The following ANKRD65 variants were observed in gnomAD, a reference collection of about 807,000 sequenced individuals.
ANKRD65 encodes ankyrin repeat domain-containing protein 65.
A neutral mutation model predicts 17.2 loss-of-function variants in ANKRD65; 26 were observed. The ratio of observed to expected loss-of-function variants is 1.51; its 90% confidence interval spans 1.11 to 2.09. The LOEUF (loss-of-function observed/expected upper bound fraction) is 2.09. Ranked by LOEUF, ANKRD65 falls within the 30% of genes most tolerant of loss-of-function variation. The pLI is 0.00. For synonymous variants in ANKRD65, 311 were observed against 272.2 expected, an observed-to-expected ratio of 1.14 and a Z score of -1.40; for missense variants, 621 against 542.2, an observed-to-expected ratio of 1.15 and a Z score of -1.44.
chr1:1,420,901 C>A lies in ANKRD65; in HGVS notation c.105G>T (p.Gly35=). Residue 35 remains glycine (G), a synonymous_variant, in exon 2 of 4, where the codon GGG becomes GGT. Coordinates refer to ENST00000537107, the MANE Select transcript of ANKRD65 (RefSeq NM_001145210.3). ...SEEALGTRTE[G]PSVVQGWGHL... is the part of the protein sequence containing the mutation. ...GCCCCCAGCCCTGGACAACACTAGG[C>A]CCCTCTGTCCTGGTTCCCAGGGCCT... 1 of 1,550,602 alleles carries A rather than the reference C, an allele frequency of 6.4e-7. No homozygotes were observed. The highest frequency in any genetic ancestry group is 8.7e-7 in the Non-Finnish European group (1 of 1,146,954).
chr1:1,419,615 G>A (rs1389041286), intron 3 of ANKRD65, 66 bp from the exon 4 acceptor site: 11 of 1,406,530 alleles, frequency 7.8e-6, no homozygotes, highest in South Asian at 1.4e-5. Context: ...GCCACCAGGC[G>A]TTTGCCCAGC....
At position 1,419,456 on chromosome 1, in the gene ANKRD65, G is replaced by T; in HGVS notation, c.844C>A (p.Leu282Met). 6.5e-7 allele frequency: 1 copy of T among 1,548,832 alleles called. No individual in the cohort carries two copies. ...ALHRAAARGH[L>M]LAVQLLVTQG... is the part of the protein sequence containing the mutation. ...GTGACCAGCAACTGGACGGCAAGCA[G>T]GTGTCCTCGGGCGGCAGCCCTGTGC... Residue 282 changes from leucine to methionine, a missense_variant, in exon 4 of 4, where the codon CTG becomes ATG. Transcript: ENST00000537107.
chr1:1,420,911 C>T lies in ANKRD65; in HGVS notation c.95G>A (p.Arg32Lys), dbSNP rs1409996638. ...ELDSEEALGT[R>K]TEGPSVVQGW... is the part of the protein sequence containing the mutation. ...CTGGACAACACTAGGCCCCTCTGTC[C>T]TGGTTCCCAGGGCCTCTTCGGAGTC... Residue 32 changes from arginine to lysine, a missense_variant, in exon 2 of 4, where the codon AGG (arginine) becomes AAG (lysine). Coordinates refer to ENST00000537107, the MANE Select transcript of ANKRD65 (RefSeq NM_001145210.3). 6.4e-6 allele frequency: 10 copies of T among 1,550,604 alleles called. No individual in the cohort carries two copies. The highest frequency in any genetic ancestry group is 2.4e-5 in the East Asian group (1 of 40,930).
chr1:1,420,442 C>T lies in ANKRD65; in HGVS notation c.360G>A (p.Ser120=). ...ALHEAAWHGH[S]RVAELLLQRG... ...GCTGCAGCAGCAGCTCGGCCACCCGCGAGTGTCCGTGCCAGGCGGCCTCGT... is the reference window on the plus strand; with the variant it reads ...GCTGCAGCAGCAGCTCGGCCACCCGTGAGTGTCCGTGCCAGGCGGCCTCGT... Residue 120 remains serine (S), a synonymous_variant, in exon 3 of 4, where the codon TCG becomes TCA. Transcript: ENST00000537107. 1.1e-5 allele frequency: 15 copies of T among 1,330,198 alleles called. No individual in the cohort carries two copies. The highest frequency in any genetic ancestry group is 1.3e-5 in the Non-Finnish European group (14 of 1,041,472). The allele number at this position is 1,330,198 out of a possible 1,614,324, so 82.4% of individuals were successfully genotyped here.
Position 1,420,566 on chromosome 1 carries a change from T to C in ANKRD65, c.236A>G (p.His79Arg). The C allele has an allele frequency of 7.4e-7, 1 of 1,353,162 alleles. No homozygotes were observed. The highest frequency in any genetic ancestry group is 9.5e-7 in the Non-Finnish European group (1 of 1,057,540). The allele number at this position is 1,353,162 out of a possible 1,614,324, so 83.8% of individuals were successfully genotyped here. A position where few individuals can be genotyped will look rare whatever the true frequency, so the allele number is the denominator to read the frequency against. ...CGCGTGGCCCCGCAGCACGGCCAGGTGGAGCGGGGTCCGGCCTGCGTGGTC... is the reference window on the plus strand; with the variant it reads ...CGCGTGGCCCCGCAGCACGGCCAGGCGGAGCGGGGTCCGGCCTGCGTGGTC... ...ERDHAGRTPLHLAVLRGHAPL... is the reference protein window; with the variant it reads ...ERDHAGRTPLRLAVLRGHAPL... Residue 79 changes from histidine (H) to arginine (R), a missense_variant, in exon 3 of 4, where the codon CAC (histidine) becomes CGC (arginine). By Grantham distance (29) the His-to-Arg change is conservative. Coordinates refer to ENST00000537107, the MANE Select transcript of ANKRD65 (RefSeq NM_001145210.3).
intron 3 of ANKRD65, 45 bp downstream of exon 3, chr1:1,420,007 C>T (rs1645516531): frequency 8.0e-7 from 1 of 1,249,180 alleles, no homozygotes; most frequent in South Asian, 2.7e-5. Context: ...GGGATCCTGG[C>T]CCTGCGCCCC....
At position 1,420,522 on chromosome 1, in the gene ANKRD65, G is replaced by T; in HGVS notation, c.280C>A (p.Leu94Met). 5 of 1,287,174 alleles carry T rather than the reference G, an allele frequency of 3.9e-6. No homozygotes were observed. The highest frequency in any genetic ancestry group is 4.9e-6 in the Non-Finnish European group (5 of 1,023,936). 79.7% of individuals were successfully genotyped at this position (1,287,174 alleles called of 1,614,324 possible). Reference sequence around the variant, plus strand: ...GCGCCCACCGGGGCCCCTCGCTGCAGCAGGAGACGCACCAGGGGCGCGTGG... The same window carrying T: ...GCGCCCACCGGGGCCCCTCGCTGCATCAGGAGACGCACCAGGGGCGCGTGG... ...RGHAPLVRLL[L>M]QRGAPVGAVD... Residue 94 changes from leucine (L) to methionine (M), a missense_variant, in exon 3 of 4, where the codon CTG (leucine) becomes ATG (methionine). Transcript: ENST00000537107.
chr1:1,419,964 C>T, intron 3 of ANKRD65, 88 bp downstream of exon 3: 3 of 1,179,716 alleles, frequency 2.5e-6, no homozygotes, highest in Non-Finnish European at 3.2e-6. Flanking sequence ...CGTCCCCCAG[C>T]CTGGCTCCAG....
chr1:1,420,054 GGGAGCGGCCTAGGGCGGCC>G lies in ANKRD65; in HGVS notation c.729_747del (p.Ala244ArgfsTer106). On this transcript the variant is annotated frameshift_variant, in exon 3 of 4. Coordinates refer to ENST00000537107, the MANE Select transcript of ANKRD65 (RefSeq NM_001145210.3). LOFTEE classifies it low-confidence loss of function (END_TRUNC). ...GCCGGGCGGAGGGCGGGACGTACCT[GGGAGCGGCCTAGGGCGGCC>G]GCCAGACCCAGCGCTGTGGCCCCCG... The G allele has an allele frequency of 1.6e-6, 2 of 1,278,616 alleles. No individual in the cohort carries two copies. Among genetic ancestry groups the G allele is most frequent in the Non-Finnish European group, 2.0e-6 (2 of 1,013,296 alleles). The allele number at this position is 1,278,616 out of a possible 1,614,324, so 79.2% of individuals were successfully genotyped here.
In ANKRD65 at chr1:1,420,126, C is replaced by CT; in HGVS notation, c.675_676insA (p.Gly226ArgfsTer28). On this transcript the variant is annotated frameshift_variant, in exon 3 of 4. Coordinates refer to ENST00000537107, the MANE Select transcript of ANKRD65 (RefSeq NM_001145210.3). LOFTEE classifies it high-confidence loss of function. ...CCATCCCGGGCGTCCACCCGCGCCC[C>CT]GCGCGCCAGGAGGAAGCGCAGCGCC... is the stretch of plus-strand genomic sequence containing the variant. The CT allele has an allele frequency of 5.6e-6, 7 of 1,253,576 alleles. No individual in the cohort carries two copies. The highest frequency in any genetic ancestry group is 7.0e-6 in the Non-Finnish European group (7 of 1,000,302). 77.7% of individuals were successfully genotyped at this position (1,253,576 alleles called of 1,614,324 possible). A position where few individuals can be genotyped will look rare whatever the true frequency, so the allele number is the denominator to read the frequency against.
chr1:1,419,501 T>C lies in ANKRD65; in HGVS notation c.799A>G (p.Arg267Gly), dbSNP rs149947983. The change falls in exon 4 of 4, where the codon AGG becomes GGG. Residue 267 changes from arginine to glycine, a missense_variant. Arg to Gly is a moderately radical substitution (Grantham distance 125). Coordinates refer to ENST00000537107, the MANE Select transcript of ANKRD65 (RefSeq NM_001145210.3). ...CTGTGCAGCGCAGAGCGGCCATGCC[T>C]GTCCCTGATGCCTGGGTCTGCCCCG... ...GHGADPGIRD[R>G]HGRSALHRAA... 1.2e-5 allele frequency: 18 copies of C among 1,543,680 alleles called. No homozygotes were observed. In the East Asian group the frequency reaches 4.4e-4, roughly 38 times the overall value.
At chr1:1,420,762 A>T in intron 2 of ANKRD65, 35 bp downstream of exon 2, 2 of 1,513,548 alleles carry the variant, frequency 1.3e-6, no homozygotes, top group Non-Finnish European at 1.8e-6. Flanking sequence ...CCCCACCCAG[A>T]GAAGGGACCC....
Position 1,421,211 on chromosome 1 carries a change from T to G in ANKRD65, c.-79A>C. The G allele has an allele frequency of 1.7e-6, 1 of 586,322 alleles. No homozygotes were observed. Among genetic ancestry groups the G allele is most frequent in the Non-Finnish European group, 3.0e-6 (1 of 330,634 alleles). 36.3% of individuals were successfully genotyped at this position (586,322 alleles called of 1,614,324 possible). On this transcript the variant is annotated 5_prime_UTR_variant, in exon 1 of 4. Coordinates refer to ENST00000537107, the MANE Select transcript of ANKRD65 (RefSeq NM_001145210.3). ...GGGTTCTGGCCGAGGCTCAGCCTGG[T>G]GACCCTCTTCACAAAATCCCTTCTG... is the stretch of plus-strand genomic sequence containing the variant.
At position 1,419,437 on chromosome 1, in the gene ANKRD65, A is replaced by G. The variant is rs1237088296; in HGVS notation, c.863T>C (p.Leu288Pro). Residue 288 changes from leucine to proline, a missense_variant, in exon 4 of 4, where the codon CTG becomes CCG. Physicochemically the swap from Leu to Pro is moderately conservative, Grantham distance 98. Coordinates refer to ENST00000537107, the MANE Select transcript of ANKRD65 (RefSeq NM_001145210.3). ...ATCCACCTCGGCCCCCTGGGTGACC[A>G]GCAACTGGACGGCAAGCAGGTGTCC... Reference protein sequence around the residue: ...ARGHLLAVQLLVTQGAEVDAR... With the variant: ...ARGHLLAVQLPVTQGAEVDAR... 1.3e-6 allele frequency: 2 copies of G among 1,549,464 alleles called. No individual in the cohort carries two copies. The highest frequency in any genetic ancestry group is 1.7e-6 in the Non-Finnish European group (2 of 1,146,844).
At position 1,419,393 on chromosome 1, in the gene ANKRD65, G is replaced by T; in HGVS notation, c.907C>A (p.Leu303Ile). The part of the protein sequence containing the change: ...AEVDARDTLG[L>I]TPLHHASREG... Reference sequence around the variant, plus strand: ...CGAGAGGCGTGATGCAGGGGTGTGAGGCCCAGGGTGTCCCGCGCATCCACC... The same window carrying T: ...CGAGAGGCGTGATGCAGGGGTGTGATGCCCAGGGTGTCCCGCGCATCCACC... Residue 303 changes from leucine (L) to isoleucine (I), a missense_variant, in exon 4 of 4, where the codon CTC (leucine) becomes ATC (isoleucine). Coordinates refer to ENST00000537107, the MANE Select transcript of ANKRD65 (RefSeq NM_001145210.3). The T allele has an allele frequency of 1.9e-6, 3 of 1,550,054 alleles. No individual in the cohort carries two copies. The highest frequency in any genetic ancestry group is 2.6e-6 in the Non-Finnish European group (3 of 1,146,842).
chr1:1,420,055 G>A lies in ANKRD65; in HGVS notation c.747C>T (p.Ser249=). 7.8e-7 allele frequency: 1 copy of A among 1,278,608 alleles called. No individual in the cohort carries two copies. The allele number at this position is 1,278,608 out of a possible 1,614,324, so 79.2% of individuals were successfully genotyped here. ...CCGGGCGGAGGGCGGGACGTACCTGGGAGCGGCCTAGGGCGGCCGCCAGAC... is the reference window on the plus strand; with the variant it reads ...CCGGGCGGAGGGCGGGACGTACCTGAGAGCGGCCTAGGGCGGCCGCCAGAC... The part of the protein sequence containing the change: ...ALGLAAALGR[S]QDIEVLLGHG... Residue 249 remains serine (S), a synonymous_variant, in exon 3 of 4, where the codon TCC becomes TCT. Transcript: ENST00000537107.
In ANKRD65 at chr1:1,420,881, C is replaced by T; in HGVS notation, c.125G>A (p.Trp42Ter). Reference protein sequence around the residue: ...RTEGPSVVQGWGHLLQAVWRG... With the variant: ...RTEGPSVVQG ...CCACACGGCCTGGAGCAGGTGCCCC[C>T]AGCCCTGGACAACACTAGGCCCCTC... is the stretch of plus-strand genomic sequence containing the variant. Residue 42 changes from tryptophan (W) to a stop codon, truncating the protein, a stop_gained, in exon 2 of 4, where the codon TGG (tryptophan) becomes TAG (stop). Coordinates refer to ENST00000537107, the MANE Select transcript of ANKRD65 (RefSeq NM_001145210.3). LOFTEE classifies it high-confidence loss of function. 1 of 1,550,358 alleles carries T rather than the reference C, an allele frequency of 6.5e-7. No individual in the cohort carries two copies. Among genetic ancestry groups the T allele is most frequent in the Non-Finnish European group, 8.7e-7 (1 of 1,146,956 alleles).
rs1557759097 is a variant in ANKRD65, at chr1:1,420,152, G to A, written c.650C>T (p.Ala217Val). The stretch of plus-strand genomic sequence containing the variant: ...GCGCGCCAGGAGGAAGCGCAGCGCC[G>A]CCCCGCGCCCCGCAGCGGCAGCCAC... ...LLVAAAAGRG[A>V]ALRFLLARGA... The change falls in exon 3 of 4, where the codon GCG becomes GTG. Residue 217 changes from alanine (A) to valine (V), a missense_variant. Coordinates refer to ENST00000537107, the MANE Select transcript of ANKRD65 (RefSeq NM_001145210.3). 1.7e-6 allele frequency: 2 copies of A among 1,166,224 alleles called. No homozygotes were observed. The highest frequency in any genetic ancestry group is 1.1e-6 in the Non-Finnish European group (1 of 947,702). The allele number at this position is 1,166,224 out of a possible 1,614,324, so 72.2% of individuals were successfully genotyped here. A position where few individuals can be genotyped will look rare whatever the true frequency, so the allele number is the denominator to read the frequency against.
Position 1,419,328 on chromosome 1 carries a change from C to G in ANKRD65, c.972G>C (p.Arg324Ser). The part of the protein sequence containing the change: ...HVEVAGCLLD[R>S]GAQVDATGWL... ...AGCCGGTAGCATCCACCTGGGCACC[C>G]CTGTCCAGCAGGCAGCCGGCAACCT... The change falls in exon 4 of 4, where the codon AGG (arginine) becomes AGC (serine). Residue 324 changes from arginine to serine, a missense_variant. Arg to Ser is a moderately radical substitution (Grantham distance 110). Coordinates refer to ENST00000537107, the MANE Select transcript of ANKRD65 (RefSeq NM_001145210.3). The G allele has an allele frequency of 6.4e-7, 1 of 1,550,402 alleles. No homozygotes were observed. Among genetic ancestry groups the G allele is most frequent in the South Asian group, 1.2e-5 (1 of 84,058 alleles).
Sources: allele counts gnomAD v4.1 joint callset, GRCh38; gene constraint gnomAD v4.1.1; transcripts MANE v1.5; gene names NCBI Gene and HGNC (gene_info 2026-07-23, HGNC 2026-07-21).